FAM83B: variants seen among roughly 807,000 people sequenced by gnomAD.
The protein encoded by FAM83B is scaffolding CK1 anchoring protein B.
Under a neutral mutation model 38.8 loss-of-function variants are expected in FAM83B, and 26 were observed. The ratio of observed to expected loss-of-function variants is 0.67; its 90% confidence interval spans 0.49 to 0.93. The LOEUF is 0.93. Among genes scored for constraint, FAM83B ranks in the 40% least tolerant of loss-of-function variants. The pLI is 0.00. For synonymous variants in FAM83B, 419 were observed against 423.1 expected, an observed-to-expected ratio of 0.99 and a Z score of 0.12; for missense variants, 1,237 against 1,197.3, an observed-to-expected ratio of 1.03 and a Z score of -0.49.
intron 2 of FAM83B, among the ~76,000 whole-genome samples, chr6:54,885,667 A>G (rs908100147): frequency 2.6e-5 from 4 of 152,114 alleles, no homozygotes; most frequent in African/African-American, 7.2e-5. Flanking sequence ...TGTTAAATGT[A>G]AACAATACTT....
Position 54,944,802 on chromosome 6 carries a change from T to G in FAM83B, c.*2795T>G, listed in dbSNP as rs1773767647. The G allele has an allele frequency of 2.0e-5, 3 of 152,176 alleles. No homozygotes were observed. Among genetic ancestry groups the G allele is most frequent in the Admixed American group, 2.0e-4 (3 of 15,276 alleles). 9.4% of individuals were successfully genotyped at this position (152,176 alleles called of 1,614,324 possible). A position where few individuals can be genotyped will look rare whatever the true frequency, so the allele number is the denominator to read the frequency against. On this transcript the variant is annotated 3_prime_UTR_variant, in exon 5 of 5. Transcript: ENST00000306858. ...ATGTGACATGTACGTTGCTGTTTTT[T>G]TTAAAATAACTTTATCATGATATTC...
intron 4 of FAM83B, among the ~76,000 whole-genome samples, chr6:54,928,883 G>C (rs1381504492): frequency 1.3e-5 from 2 of 152,094 alleles, no homozygotes; most frequent in Non-Finnish European, 2.9e-5. Flanking sequence ...AGTTGCTAGT[G>C]TTGCAATGAC....
chr6:54,913,248 T>G (rs181641045), intron 2 of FAM83B, among the ~76,000 whole-genome samples: 1 of 152,178 alleles, frequency 6.6e-6, no homozygotes, highest in East Asian at 1.9e-4. Flanking sequence ...TTGAGAAATG[T>G]GAAACACCTC....
intron 2 of FAM83B, among the ~76,000 whole-genome samples, chr6:54,903,610 G>A (rs1279329623): frequency 1.3e-5 from 2 of 151,192 alleles, no homozygotes; most frequent in Non-Finnish European, 3.0e-5. Context: ...ATTCTTTTGG[G>A]GTATGAATCT....
intron 1 of FAM83B, among the ~76,000 whole-genome samples, chr6:54,860,224 G>T (rs1380059780): frequency 6.6e-6 from 1 of 152,030 alleles, no homozygotes; most frequent in Non-Finnish European, 1.5e-5. Flanking sequence ...TTTTGTTTTT[G>T]CATTTGAATA....
chr6:54,868,874 G>C (rs1445211415), intron 1 of FAM83B, among the ~76,000 whole-genome samples: 1 of 152,184 alleles, frequency 6.6e-6, no homozygotes, highest in Non-Finnish European at 1.5e-5. Context: ...TCTGAGCCCA[G>C]AGATAGGAAC....
intron 1 of FAM83B, among the ~76,000 whole-genome samples, chr6:54,858,077 T>C (rs1490028004): frequency 6.6e-6 from 1 of 152,148 alleles, no homozygotes; most frequent in Non-Finnish European, 1.5e-5. Flanking sequence ...TTGCAAGTCA[T>C]TCATGGATGT....
intron 2 of FAM83B, among the ~76,000 whole-genome samples, chr6:54,914,858 GAC>G (rs1491279466): frequency 2.6e-5 from 4 of 152,110 alleles, no homozygotes; most frequent in African/African-American, 9.7e-5. Flanking sequence ...AGCATCAAGT[GAC>G]AGTCCCCTAC....
intron 2 of FAM83B, among the ~76,000 whole-genome samples, chr6:54,885,344 A>G (rs2127578957): frequency 6.6e-6 from 1 of 151,948 alleles, no homozygotes; most frequent in Non-Finnish European, 1.5e-5. Context: ...CTCACATATC[A>G]TTTGTTTGAT....
chr6:54,886,619 A>G (rs558168761), intron 2 of FAM83B, among the ~76,000 whole-genome samples: 5 of 151,814 alleles, frequency 3.3e-5, no homozygotes, highest in Admixed American at 2.6e-4. Flanking sequence ...ATTTGTGATG[A>G]TGTTATCTTT....
chr6:54,940,905 A>T lies in FAM83B; in HGVS notation c.1934A>T (p.Asn645Ile). The T allele has an allele frequency of 6.2e-7, 1 of 1,613,520 alleles. No individual in the cohort carries two copies. The highest frequency in any genetic ancestry group is 8.5e-7 in the Non-Finnish European group (1 of 1,179,902). The change falls in exon 5 of 5, where the codon AAT becomes ATT. Residue 645 changes from asparagine to isoleucine, a missense_variant. Physicochemically the swap from Asn to Ile is moderately radical, Grantham distance 149 (BLOSUM62 -3). Transcript: ENST00000306858. ...NNYIYKTLGV[N>I]KQTENLKNQQ... ...TATATATATAAAACCTTGGGTGTAA[A>T]TAAGCAGACAGAAAATCTAAAGAAT...
rs1274765957 is a variant in FAM83B, at chr6:54,943,391, A to T, written c.*1384A>T. 6.6e-6 allele frequency: 1 copy of T among 152,186 alleles called. No individual in the cohort carries two copies. Among genetic ancestry groups the T allele is most frequent in the Non-Finnish European group, 1.5e-5 (1 of 68,026 alleles). The allele number at this position is 152,186 out of a possible 1,614,324, so 9.4% of individuals were successfully genotyped here. On this transcript the variant is annotated 3_prime_UTR_variant, in exon 5 of 5. Coordinates refer to ENST00000306858, the MANE Select transcript of FAM83B (RefSeq NM_001010872.3). ...ACTTTAACTTGACTTTGCTTCATTC[A>T]CAAAGAACAGAGTTCAAGAAGCAGT... is the stretch of plus-strand genomic sequence containing the variant.
At chr6:54,930,704 C>A (rs1452063359) in intron 4 of FAM83B, among the ~76,000 whole-genome samples, 3 of 151,972 alleles carry the variant, frequency 2.0e-5, no homozygotes, top group African/African-American at 7.2e-5. Context: ...TGTTTTCTTT[C>A]TTGAACCTTT....
chr6:54,930,888 A>C (rs551283194), intron 4 of FAM83B, among the ~76,000 whole-genome samples: 8 of 152,272 alleles, frequency 5.3e-5, no homozygotes, highest in African/African-American at 1.9e-4. Flanking sequence ...AGACTAGGTA[A>C]TATTAAGTCA....
At chr6:54,883,886 G>T (rs1300372078) in intron 2 of FAM83B, among the ~76,000 whole-genome samples, 2 of 151,352 alleles carry the variant, frequency 1.3e-5, no homozygotes, top group Non-Finnish European at 2.9e-5. Flanking sequence ...AGAAATACTT[G>T]CAGCTGAGTG....
At chr6:54,921,766 C>A (rs1282925889) in intron 2 of FAM83B, among the ~76,000 whole-genome samples, 1 of 151,880 alleles carries the variant, frequency 6.6e-6, no homozygotes, top group African/African-American at 2.4e-5. Flanking sequence ...TATATATAGC[C>A]ATGTGGCCAT....
At chr6:54,912,251 G>A (rs1247893682) in intron 2 of FAM83B, among the ~76,000 whole-genome samples, 1 of 151,840 alleles carries the variant, frequency 6.6e-6, no homozygotes, top group Non-Finnish European at 1.5e-5. Flanking sequence ...AGTAAATGTG[G>A]TTGTTTTAGC....
At chr6:54,906,951 T>C (rs747439956) in intron 2 of FAM83B, among the ~76,000 whole-genome samples, 17 of 152,342 alleles carry the variant, frequency 1.1e-4, no homozygotes, top group Non-Finnish European at 2.2e-4. Flanking sequence ...TTAGACATTC[T>C]TTCCTGATTA....
At chr6:54,900,958 C>T (rs760292300) in intron 2 of FAM83B, among the ~76,000 whole-genome samples, 16 of 152,176 alleles carry the variant, frequency 1.1e-4, no homozygotes, top group Non-Finnish European at 1.9e-4. Context: ...TGTATTCAGA[C>T]ATTAAAGAGT....
Sources: gnomAD v4.1 joint callset for allele counts (sites outside exome capture counted in the v4.1 genomes callset) on GRCh38, gnomAD v4.1.1 for gene constraint, MANE v1.5 for transcripts, NCBI Gene and HGNC (gene_info 2026-07-23, HGNC 2026-07-21) for gene names.